GRIN2A: variants seen among roughly 807,000 people sequenced by gnomAD.
GRIN2A encodes the protein glutamate ionotropic receptor NMDA type subunit 2A, also known as glutamate receptor ionotropic, NMDA 2A.
GRIN2A carries 22 observed loss-of-function variants against 113.4 expected under a neutral mutation model. That is an observed-to-expected ratio of 0.19 (90% CI 0.14 to 0.28). GRIN2A has a LOEUF of 0.28. Ranked by LOEUF, GRIN2A falls within the 10% of genes least tolerant of loss-of-function variation. GRIN2A has a pLI of 1.00. For missense variants in GRIN2A, 1,502 were observed against 1,887.0 expected, an observed-to-expected ratio of 0.80 and a Z score of 3.78; for synonymous variants, 827 against 738.4, an observed-to-expected ratio of 1.12 and a Z score of -1.94.
chr16:10,047,840 T>C (rs1481035324), intron 2 of GRIN2A, among the ~76,000 whole-genome samples: 1 of 152,188 alleles, frequency 6.6e-6, no homozygotes, highest in Non-Finnish European at 1.5e-5. Context: ...TTCTCAGGTG[T>C]GCATTTTACA....
intron 2 of GRIN2A, among the ~76,000 whole-genome samples, chr16:10,063,480 G>C (rs2047590426): frequency 6.6e-6 from 1 of 152,178 alleles, no homozygotes. Context: ...GCTTATGACA[G>C]CAACCATAAG....
At chr16:10,092,767 G>A (rs1018760516) in intron 2 of GRIN2A, among the ~76,000 whole-genome samples, 1 of 151,862 alleles carries the variant, frequency 6.6e-6, no homozygotes, top group African/African-American at 2.4e-5. Flanking sequence ...GGTAACTCAA[G>A]TCCCTTCTCT....
At chr16:10,000,795 A>G (rs781553158) in intron 2 of GRIN2A, among the ~76,000 whole-genome samples, 2 of 151,562 alleles carry the variant, frequency 1.3e-5, no homozygotes, top group Non-Finnish European at 2.9e-5. Context: ...TTATTTTTCT[A>G]TTTCTCCAGA....
intron 2 of GRIN2A, among the ~76,000 whole-genome samples, chr16:10,041,167 C>T (rs373782304): frequency 6.6e-6 from 1 of 152,324 alleles, no homozygotes; most frequent in South Asian, 2.1e-4. Flanking sequence ...TGTAAGACTT[C>T]ACTTCTTCCA....
chr16:9,914,904 GCT>G (rs1567173221), intron 3 of GRIN2A, among the ~76,000 whole-genome samples: 17 of 48,714 alleles, frequency 3.5e-4, no homozygotes, highest in African/African-American at 1.2e-3. Context: ...TGATTATGCA[GCT>G]TTTTTTTTTT....
chr16:10,003,759 G>A (rs893542027), intron 2 of GRIN2A, among the ~76,000 whole-genome samples: 1 of 152,200 alleles, frequency 6.6e-6, no homozygotes, highest in Non-Finnish European at 1.5e-5. Context: ...GTCTGAGTGG[G>A]CTTATGCAGC....
At chr16:10,159,105 C>A (rs1170195480) in intron 2 of GRIN2A, among the ~76,000 whole-genome samples, 22 of 152,112 alleles carry the variant, frequency 1.4e-4, no homozygotes, top group Non-Finnish European at 2.4e-4. Context: ...AAATAAGCTT[C>A]TGTGATTCCC....
At chr16:10,026,378 T>C (rs1567242346) in intron 2 of GRIN2A, among the ~76,000 whole-genome samples, 2 of 152,202 alleles carry the variant, frequency 1.3e-5, no homozygotes, top group Non-Finnish European at 2.9e-5. Context: ...AGGGAATCTA[T>C]TGCTATTATT....
At chr16:9,980,737 G>A (rs2045876478) in intron 2 of GRIN2A, among the ~76,000 whole-genome samples, 1 of 151,040 alleles carries the variant, frequency 6.6e-6, no homozygotes, top group African/African-American at 2.4e-5. Flanking sequence ...TTATCACAAG[G>A]ACAAAAGGCC....
chr16:10,050,461 T>G (rs1355459183), intron 2 of GRIN2A, among the ~76,000 whole-genome samples: 1 of 151,980 alleles, frequency 6.6e-6, no homozygotes, highest in Non-Finnish European at 1.5e-5. Flanking sequence ...CATTAGAATC[T>G]CATAGGAGCA....
chr16:10,169,450 C>T lies in GRIN2A; in HGVS notation c.414+10548G>A, dbSNP rs1030821274. ...GTTGTTTGAGCAGTGGGAATGTGACCCAGTTCTGGCCACTGACATGTAAGA... is the reference window on the plus strand; with the variant it reads ...GTTGTTTGAGCAGTGGGAATGTGACTCAGTTCTGGCCACTGACATGTAAGA... On this transcript the variant is annotated intron_variant, in intron 2 of 12. Transcript: ENST00000330684. Among the ~76,000 whole-genome samples, 21 of 152,092 alleles carry T rather than the reference C, an allele frequency of 1.4e-4. 1 individual carries two copies. Among genetic ancestry groups the T allele is most frequent in the Admixed American group, 1.4e-3 (21 of 15,266 alleles).
intron 2 of GRIN2A, among the ~76,000 whole-genome samples, chr16:10,062,837 C>T (rs912003053): frequency 5.9e-5 from 9 of 151,624 alleles, no homozygotes; most frequent in African/African-American, 2.2e-4. Flanking sequence ...TGCACTCCAG[C>T]CTGGGTGACA....
intron 3 of GRIN2A, among the ~76,000 whole-genome samples, chr16:9,922,858 G>C (rs1292661678): frequency 2.0e-5 from 3 of 152,076 alleles, no homozygotes; most frequent in African/African-American, 7.2e-5. Flanking sequence ...GAAATACTTT[G>C]TGTTAGTGAA....
At chr16:9,816,529 T>G (rs1167836332) in intron 10 of GRIN2A, among the ~76,000 whole-genome samples, 1 of 152,198 alleles carries the variant, frequency 6.6e-6, no homozygotes, top group Non-Finnish European at 1.5e-5. Context: ...CCACTGTGTC[T>G]TGAAATATTA....
At chr16:9,796,706 G>C (rs1903010349) in intron 11 of GRIN2A, among the ~76,000 whole-genome samples, 1 of 152,226 alleles carries the variant, frequency 6.6e-6, no homozygotes, top group Admixed American at 6.5e-5. Flanking sequence ...AGAAACACGT[G>C]TGGAGCAGAG....
At chr16:10,085,679 G>C (rs1270359361) in intron 2 of GRIN2A, among the ~76,000 whole-genome samples, 1 of 152,172 alleles carries the variant, frequency 6.6e-6, no homozygotes, top group Admixed American at 6.5e-5. Flanking sequence ...AGTCTTTTGA[G>C]ATGGCCTGTT....
In GRIN2A at chr16:9,763,172, G is replaced by T; in HGVS notation, c.4372C>A (p.Pro1458Thr). 6.2e-7 allele frequency: 1 copy of T among 1,613,652 alleles called. No individual in the cohort carries two copies. The highest frequency in any genetic ancestry group is 8.5e-7 in the Non-Finnish European group (1 of 1,179,614). Residue 1458 changes from proline to threonine, a missense_variant, in exon 13 of 13, where the codon CCT becomes ACT. Coordinates refer to ENST00000330684, the MANE Select transcript of GRIN2A (RefSeq NM_001134407.3). ...CSNRRVYKKM[P>T]SIESDV Reference sequence around the variant, plus strand: ...TTTTAAACATCAGATTCGATACTAGGCATTTTCTTGTACACGCGTCTATTG... The same window carrying T: ...TTTTAAACATCAGATTCGATACTAGTCATTTTCTTGTACACGCGTCTATTG...
intron 2 of GRIN2A, among the ~76,000 whole-genome samples, chr16:10,074,463 A>G (rs537804476): frequency 3.2e-4 from 49 of 152,332 alleles, no homozygotes; most frequent in African/African-American, 1.1e-3. Context: ...ATAGCAGCCA[A>G]AAACTGGAAA....
intron 4 of GRIN2A, among the ~76,000 whole-genome samples, chr16:9,857,302 A>G (rs2042986059): frequency 2.6e-5 from 4 of 152,232 alleles, no homozygotes; most frequent in Admixed American, 2.6e-4. Context: ...GTTTTAGTTG[A>G]CAATAATATA....
Sources: allele counts gnomAD v4.1 joint callset (sites outside exome capture counted in the v4.1 genomes callset), GRCh38; gene constraint gnomAD v4.1.1; transcripts MANE v1.5; gene names NCBI Gene and HGNC (gene_info 2026-07-23, HGNC 2026-07-21).